Variants in EPHA3 observed in about 807,000 individuals in gnomAD.
EPHA3 encodes the protein EPH receptor A3.
In EPHA3, 42 loss-of-function variants were observed where a neutral mutation model predicts 107.1. The observed-to-expected ratio is 0.39, with a 90% CI of 0.31 to 0.51. EPHA3 has a LOEUF of 0.51. Among genes scored for constraint, EPHA3 ranks in the 20% least tolerant of loss-of-function variants. The pLI, the probability that EPHA3 is intolerant of heterozygous loss-of-function variation, is 0.78. For missense variants in EPHA3, 1,183 were observed against 1,211.2 expected, an observed-to-expected ratio of 0.98 and a Z score of 0.35; for synonymous variants, 461 against 424.8, an observed-to-expected ratio of 1.09 and a Z score of -1.05.
At chr3:89,374,383 A>G (rs1333106567) in intron 5 of EPHA3, among the ~76,000 whole-genome samples, 1 of 151,954 alleles carries the variant, frequency 6.6e-6, no homozygotes, top group African/African-American at 2.4e-5. Flanking sequence ...CAACAAATAC[A>G]GTGCAAATGT....
chr3:89,157,171 G>C (rs574459696), intron 2 of EPHA3, among the ~76,000 whole-genome samples: 1 of 152,034 alleles, frequency 6.6e-6, no homozygotes, highest in African/African-American at 2.4e-5. Context: ...ATGGTAGTGC[G>C]ATCCAGTGTT....
At chr3:89,251,284 G>C (rs1262989772) in intron 3 of EPHA3, among the ~76,000 whole-genome samples, 1 of 151,948 alleles carries the variant, frequency 6.6e-6, no homozygotes, top group African/African-American at 2.4e-5. Context: ...ATATAAATCT[G>C]TGGGAAATCA....
chr3:89,189,476 C>T (rs141947052), intron 2 of EPHA3, among the ~76,000 whole-genome samples: 1,940 of 152,158 alleles, frequency 0.013, 43 homozygotes, highest in African/African-American at 0.043. Context: ...ACCTGTCATC[C>T]CATCTACTTG....
intron 3 of EPHA3, among the ~76,000 whole-genome samples, chr3:89,213,529 C>T (rs1704155350): frequency 6.6e-6 from 1 of 151,756 alleles, no homozygotes; most frequent in Non-Finnish European, 1.5e-5. Flanking sequence ...ACAGTTGCAG[C>T]CAGGCAATAA....
chr3:89,439,730 C>T (rs1576378893), intron 13 of EPHA3, among the ~76,000 whole-genome samples: 1 of 143,798 alleles, frequency 7.0e-6, no homozygotes, highest in East Asian at 1.9e-4. Context: ...AAGGCACACA[C>T]ACACACACAC....
chr3:89,341,126 T>TA lies in EPHA3; in HGVS notation c.970+56dup. On this transcript the variant is annotated intron_variant, in intron 4 of 16. Transcript: ENST00000336596. ...CATGTTTGTTTTGTTTTCTTCTTGT[T>TA]ACTGTGCTGTTTGTTTTTGTTTTAA... 1.9e-6 allele frequency: 3 copies of TA among 1,545,484 alleles called. No homozygotes were observed. The South Asian group carries it at 3.6e-5, about 19-fold the overall frequency.
At chr3:89,226,330 A>G (rs955085236) in intron 3 of EPHA3, among the ~76,000 whole-genome samples, 12 of 152,118 alleles carry the variant, frequency 7.9e-5, no homozygotes, top group Admixed American at 6.6e-4. Context: ...AAAATGTTCA[A>G]CACAGGTCCT....
At chr3:89,320,822 C>G (rs1707025293) in intron 3 of EPHA3, among the ~76,000 whole-genome samples, 1 of 151,976 alleles carries the variant, frequency 6.6e-6, no homozygotes, top group South Asian at 2.1e-4. Context: ...TTACCCTATT[C>G]ATGTGATGAG....
intron 5 of EPHA3, among the ~76,000 whole-genome samples, chr3:89,357,170 A>G (rs1399612868): frequency 1.3e-5 from 2 of 148,380 alleles, no homozygotes; most frequent in African/African-American, 4.9e-5. Flanking sequence ...CAAAGAGTAA[A>G]GAAAAGAGAC....
At chr3:89,233,169 A>G (rs1039361158) in intron 3 of EPHA3, among the ~76,000 whole-genome samples, 4 of 152,176 alleles carry the variant, frequency 2.6e-5, no homozygotes, top group Non-Finnish European at 5.9e-5. Context: ...TGAAATATAT[A>G]TATATACACG....
At position 89,369,177 on chromosome 3, in the gene EPHA3, A is replaced by G. The variant is rs557942250; in HGVS notation, c.1307-26660A>G. On this transcript the variant is annotated intron_variant, in intron 5 of 16. Coordinates refer to ENST00000336596, the MANE Select transcript of EPHA3 (RefSeq NM_005233.6). ...GAAGGAATGGAAACAACAAAAAAAGAGCCCGCATCACCAAGTCAATCCTAA... is the reference window on the plus strand; with the variant it reads ...GAAGGAATGGAAACAACAAAAAAAGGGCCCGCATCACCAAGTCAATCCTAA... 2.1e-3 allele frequency among the ~76,000 whole-genome samples: 321 copies of G among 151,092 alleles called. 4 individuals carry two copies. The highest frequency in any genetic ancestry group is 6.9e-3 in the African/African-American group (287 of 41,434).
chr3:89,215,568 G>A (rs1222907940), intron 3 of EPHA3, among the ~76,000 whole-genome samples: 2 of 151,806 alleles, frequency 1.3e-5, no homozygotes, highest in Non-Finnish European at 3.0e-5. Context: ...ATATGTCTGT[G>A]GTTAAATTTA....
chr3:89,312,357 G>A (rs943467717), intron 3 of EPHA3, among the ~76,000 whole-genome samples: 5 of 147,404 alleles, frequency 3.4e-5, no homozygotes, highest in African/African-American at 7.4e-5. Context: ...TCGCAGTTAC[G>A]CAATTCTGGT....
At position 89,225,187 on chromosome 3, in the gene EPHA3, A is replaced by G. The variant is rs561087548; in HGVS notation, c.814+14667A>G. On this transcript the variant is annotated intron_variant, in intron 3 of 16. Coordinates refer to ENST00000336596, the MANE Select transcript of EPHA3 (RefSeq NM_005233.6). ...ATTTGCTATTATTTATTCACTGGTC[A>G]GTCATGGCTATGATTATGTGCTACT... Among the ~76,000 whole-genome samples the G allele has an allele frequency of 2.6e-5, 4 of 152,290 alleles. No homozygotes were observed. The East Asian group carries it at 5.8e-4, about 22-fold the overall frequency.
chr3:89,348,063 G>A (rs1349178914), intron 5 of EPHA3, among the ~76,000 whole-genome samples: 2 of 149,774 alleles, frequency 1.3e-5, no homozygotes, highest in African/African-American at 2.4e-5. Context: ...CAAGGATATT[G>A]GTCTAAAATT....
At chr3:89,344,716 C>T (rs868339861) in intron 5 of EPHA3, among the ~76,000 whole-genome samples, 7 of 152,168 alleles carry the variant, frequency 4.6e-5, no homozygotes, top group East Asian at 1.9e-4. Flanking sequence ...CTATCTTTGA[C>T]GTGGATATAA....
intron 3 of EPHA3, among the ~76,000 whole-genome samples, chr3:89,308,518 G>A (rs998996316): frequency 6.6e-6 from 1 of 152,040 alleles, no homozygotes. Flanking sequence ...CTGAAGTGAC[G>A]GTTATGCTAA....
chr3:89,272,964 A>G (rs1476340515), intron 3 of EPHA3, among the ~76,000 whole-genome samples: 2 of 151,926 alleles, frequency 1.3e-5, no homozygotes, highest in Admixed American at 1.3e-4. Context: ...TACATTATTT[A>G]TTACAAAATT....
chr3:89,146,041 T>C (rs1388029940), intron 2 of EPHA3, among the ~76,000 whole-genome samples: 7 of 151,906 alleles, frequency 4.6e-5, no homozygotes, highest in Non-Finnish European at 1.0e-4. Flanking sequence ...TGCTTTCAGT[T>C]ACCAGAAGTC....
Sources: gnomAD v4.1 joint callset for allele counts (sites outside exome capture counted in the v4.1 genomes callset) on GRCh38, gnomAD v4.1.1 for gene constraint, MANE v1.5 for transcripts, NCBI Gene and HGNC (gene_info 2026-07-23, HGNC 2026-07-21) for gene names.